The following KNDC1 variants were observed in gnomAD, a reference collection of about 807,000 sequenced individuals.
The protein encoded by KNDC1 is kinase non-catalytic C-lobe domain containing 1, also known as kinase non-catalytic C-lobe domain-containing protein 1.
In KNDC1, 106 loss-of-function variants were observed where a neutral mutation model predicts 172.8. The ratio of observed to expected loss-of-function variants is 0.61; its 90% CI spans 0.52 to 0.72. KNDC1 has a LOEUF of 0.72. KNDC1 is among the 30% of genes least tolerant of loss of function. The pLI is 0.00. For synonymous variants in KNDC1, 1,083 were observed against 1,062.2 expected (o/e 1.02, Z -0.38); for missense variants, 2,325 against 2,394.5 (o/e 0.97, Z 0.61).
intron 23 of KNDC1, among the ~76,000 whole-genome samples, chr10:133,212,105 G>A (rs930722296): frequency 5.3e-5 from 8 of 151,524 alleles, no homozygotes; most frequent in Non-Finnish European, 1.2e-4. Context: ...GCACATGCGT[G>A]CACACTCAAT....
intron 17 of KNDC1, among the ~76,000 whole-genome samples, chr10:133,204,647 T>C (rs1177027694): frequency 6.6e-6 from 1 of 152,212 alleles, no homozygotes; most frequent in Non-Finnish European, 1.5e-5. Flanking sequence ...AGTAGTTAAA[T>C]AGAAATGTCG....
At chr10:133,178,363 A>G (rs10857683) in intron 3 of KNDC1, among the ~76,000 whole-genome samples, 63,377 of 152,078 alleles carry the variant, frequency 0.42, 15,105 homozygotes, top group South Asian at 0.67. Flanking sequence ...TGTTCATGAC[A>G]AAACATTTTA....
In KNDC1 at chr10:133,170,826, G is replaced by A. The variant is rs188061697; in HGVS notation, c.360+2514G>A. Among the ~76,000 whole-genome samples, 267 of 152,282 alleles carry A rather than the reference G, an allele frequency of 1.8e-3. 1 individual carries two copies. Among genetic ancestry groups the A allele is most frequent in the African/African-American group, 5.0e-3 (208 of 41,556 alleles). ...TCAGTCGGCTGTGATATCACATCACGTGGCCCCAGCCCCAACCCCAAGCCC... is the reference window on the plus strand; with the variant it reads ...TCAGTCGGCTGTGATATCACATCACATGGCCCCAGCCCCAACCCCAAGCCC... On this transcript the variant is annotated intron_variant, in intron 3 of 29. Coordinates refer to ENST00000304613, the MANE Select transcript of KNDC1 (RefSeq NM_152643.8).
intron 29 of KNDC1, among the ~76,000 whole-genome samples, chr10:133,222,492 T>A (rs138959126): frequency 3.0e-4 from 6 of 19,856 alleles, no homozygotes; most frequent in African/African-American, 8.5e-4. Context: ...CTCTTCCCGG[T>A]GTGTGTGTGT....
chr10:133,170,059 C>T (rs1853325147), intron 3 of KNDC1, among the ~76,000 whole-genome samples: 1 of 152,210 alleles, frequency 6.6e-6, no homozygotes, highest in Non-Finnish European at 1.5e-5. Flanking sequence ...TGTTAAACTT[C>T]ATCTGCAGAG....
rs370261446 is a variant in KNDC1 at position 133,168,327 on chromosome 10, G to T, written c.360+15G>T. 2 of 1,612,664 alleles carry T rather than the reference G, an allele frequency of 1.2e-6. No individual in the cohort carries two copies. The highest frequency in any genetic ancestry group is 1.3e-5 in the African/African-American group (1 of 75,026). ...ACACCTTTGAGGTAAGTGCAGGTGG[G>T]GGTAATGTGCCACACCCCCCTTTTA... On this transcript the variant is annotated intron_variant, in intron 3 of 29. Coordinates refer to ENST00000304613, the MANE Select transcript of KNDC1 (RefSeq NM_152643.8).
chr10:133,198,820 A>T lies in KNDC1; in HGVS notation c.2312A>T (p.Glu771Val). The change falls in exon 14 of 30, where the codon GAG (glutamate) becomes GTG (valine). Residue 771 changes from glutamate (E) to valine (V), a missense_variant. Coordinates refer to ENST00000304613, the MANE Select transcript of KNDC1 (RefSeq NM_152643.8). ...PPPQAPANQPEGASSAAPGSP... is the reference protein window; with the variant it reads ...PPPQAPANQPVGASSAAPGSP... The stretch of plus-strand genomic sequence containing the variant: ...CCCCAGGCCCCAGCAAACCAGCCAG[A>T]GGGGGCCTCATCGGCAGCTCCCGGC... 6.3e-7 allele frequency: 1 copy of T among 1,599,356 alleles called. No individual in the cohort carries two copies. The highest frequency in any genetic ancestry group is 8.5e-7 in the Non-Finnish European group (1 of 1,174,052).
At position 133,176,229 on chromosome 10, in the gene KNDC1, A is replaced by G. The variant is rs114103564; in HGVS notation, c.361-7115A>G. Among the ~76,000 whole-genome samples, 1,041 of 150,522 alleles carry G rather than the reference A, an allele frequency of 6.9e-3. 13 individuals carry two copies. The highest frequency in any genetic ancestry group is 0.024 in the African/African-American group (969 of 41,030). ...AGGATGGGTTGATAGATGGGTGGAT[A>G]TGTAGTTAGATGGGTGGATGGATAC... On this transcript the variant is annotated intron_variant, in intron 3 of 29. Coordinates refer to ENST00000304613, the MANE Select transcript of KNDC1 (RefSeq NM_152643.8).
chr10:133,195,666 T>C lies in KNDC1; in HGVS notation c.1579T>C (p.Ser527Pro). ...TATTCTCTCCCCACCCGCCCAGGCC[T>C]CTGTGTACTGTGTGGCCGCCGTTCT... ...AEERLVTEKA[S>P]VYCVAAVLWT... is the part of the protein sequence containing the mutation. Residue 527 changes from serine (S) to proline (P), a missense_variant, in exon 10 of 30, where the codon TCT (serine) becomes CCT (proline). Coordinates refer to ENST00000304613, the MANE Select transcript of KNDC1 (RefSeq NM_152643.8). The C allele has an allele frequency of 6.2e-7, 1 of 1,606,280 alleles. No individual in the cohort carries two copies. The highest frequency in any genetic ancestry group is 8.5e-7 in the Non-Finnish European group (1 of 1,176,532).
At position 133,186,153 on chromosome 10, in the gene KNDC1, A is replaced by T. The variant is rs1438094961; in HGVS notation, c.805A>T (p.Asn269Tyr). The change falls in exon 6 of 30, where the codon AAT (asparagine) becomes TAT (tyrosine). Residue 269 changes from asparagine (N) to tyrosine (Y), a missense_variant. Transcript: ENST00000304613. Reference sequence around the variant, plus strand: ...GGCTCTGCTGTCCACCCCGGTGAGAAATGGCGAGAGCCACAGCCGGGAGGG... The same window carrying T: ...GGCTCTGCTGTCCACCCCGGTGAGATATGGCGAGAGCCACAGCCGGGAGGG... ...TKALLSTPVR[N>Y]GESHSREGLA... 2 of 1,586,130 alleles carry T rather than the reference A, an allele frequency of 1.3e-6. No homozygotes were observed. The highest frequency in any genetic ancestry group is 2.7e-5 in the African/African-American group (2 of 74,024).
At chr10:133,175,061 A>G (rs1423683372) in intron 3 of KNDC1, among the ~76,000 whole-genome samples, 1 of 113,296 alleles carries the variant, frequency 8.8e-6, no homozygotes, top group Non-Finnish European at 1.8e-5. Context: ...ATGGATGGGT[A>G]AATGGATGGG....
intron 26 of KNDC1, among the ~76,000 whole-genome samples, chr10:133,216,959 A>G (rs1589775385): frequency 1.3e-5 from 2 of 152,264 alleles, no homozygotes; most frequent in East Asian, 1.9e-4. Context: ...CTCCACGTAC[A>G]CGAGGCGCCT....
In KNDC1 at chr10:133,168,493, C is replaced by T. The variant is rs897644691; in HGVS notation, c.360+181C>T. Among the ~76,000 whole-genome samples the T allele has an allele frequency of 3.9e-5, 6 of 152,160 alleles. 1 individual carries two copies. Among genetic ancestry groups the T allele is most frequent in the Admixed American group, 1.3e-4 (2 of 15,282 alleles). On this transcript the variant is annotated intron_variant, in intron 3 of 29. Transcript: ENST00000304613. ...ACGGCCTCTGGGGCACACCCGGCTTCGTCCCCTGCAGCGTTCTCTGTGGGC... is the reference window on the plus strand; with the variant it reads ...ACGGCCTCTGGGGCACACCCGGCTTTGTCCCCTGCAGCGTTCTCTGTGGGC...
In KNDC1 at chr10:133,198,699, G is replaced by A. The variant is rs762357484; in HGVS notation, c.2191G>A (p.Gly731Arg). The A allele has an allele frequency of 4.2e-5, 66 of 1,579,634 alleles. No homozygotes were observed. Among genetic ancestry groups the A allele is most frequent in the Admixed American group, 1.3e-4 (7 of 54,042 alleles). Residue 731 changes from glycine (G) to arginine (R), a missense_variant, in exon 14 of 30, where the codon GGG becomes AGG. Transcript: ENST00000304613. The stretch of plus-strand genomic sequence containing the variant: ...GTCCCCCAGCCTGAAGACGCCTGAC[G>A]GGCCGGTGCCTGGTCCGGGGCCACA... Reference protein sequence around the residue: ...AGSPSLKTPDGPVPGPGPQGA... With the variant: ...AGSPSLKTPDRPVPGPGPQGA...
intron 1 of KNDC1, among the ~76,000 whole-genome samples, chr10:133,166,509 A>G (rs1853160695): frequency 1.3e-5 from 2 of 151,914 alleles, no homozygotes; most frequent in Admixed American, 1.3e-4. Context: ...GGTGGCATGT[A>G]GTATGTGTGT....
intron 6 of KNDC1, among the ~76,000 whole-genome samples, chr10:133,187,660 T>C (rs1288247456): frequency 1.3e-5 from 2 of 152,218 alleles, no homozygotes; most frequent in African/African-American, 4.8e-5. Flanking sequence ...CCGAGCCACC[T>C]GTTGGAGGGT....
intron 3 of KNDC1, among the ~76,000 whole-genome samples, chr10:133,172,102 C>T (rs535389199): frequency 2.0e-5 from 3 of 152,330 alleles, no homozygotes; most frequent in East Asian, 1.9e-4. Context: ...TTACTTGATG[C>T]AGCAGGGAAC....
At chr10:133,197,027 T>C (rs759588318) in intron 10 of KNDC1, 31 bp from the exon 11 acceptor site, 4 of 1,581,838 alleles carry the variant, frequency 2.5e-6, no homozygotes, top group Non-Finnish European at 3.5e-6. Context: ...CTGAGGCCTG[T>C]CGGGACGTGT....
At chr10:133,197,607 C>A in intron 11 of KNDC1, 68 bp from the exon 12 acceptor site, 1 of 1,225,216 alleles carries the variant, frequency 8.2e-7, no homozygotes, top group Non-Finnish European at 1.2e-6. Flanking sequence ...GGGGGACGCC[C>A]TGTGGGTGTT....
Sources: gnomAD v4.1 joint callset for allele counts (sites outside exome capture counted in the v4.1 genomes callset) on GRCh38, gnomAD v4.1.1 for gene constraint, MANE v1.5 for transcripts, NCBI Gene and HGNC (gene_info 2026-07-23, HGNC 2026-07-21) for gene names.